NFU1: variants seen among roughly 807,000 people sequenced by gnomAD.
NFU1 encodes NFU1 iron-sulfur cluster scaffold.
In NFU1, 30 loss-of-function variants were observed where a neutral mutation model predicts 32.2. The observed-to-expected ratio is 0.93, with a 90% CI of 0.70 to 1.26. The LOEUF is 1.26. Ranked by LOEUF, NFU1 falls within the 50% of genes most tolerant of loss-of-function variation. The pLI, the probability that NFU1 is intolerant of heterozygous loss-of-function variation, is 0.00. For synonymous variants in NFU1, 112 were observed against 104.6 expected, an observed-to-expected ratio of 1.07 and a Z score of -0.43; for missense variants, 306 against 306.6, an observed-to-expected ratio of 1.00 and a Z score of 0.02.
At chr2:69,412,114 G>A (rs1047508815) in intron 5 of NFU1, among the ~76,000 whole-genome samples, 1 of 152,044 alleles carries the variant, frequency 6.6e-6, no homozygotes, top group Non-Finnish European at 1.5e-5. Context: ...GCAATGGCAT[G>A]ATGTCAGCTC....
intron 1 of NFU1, 110 bp downstream of exon 1, chr2:69,437,251 C>T: frequency 6.6e-7 from 1 of 1,507,072 alleles, no homozygotes; most frequent in Non-Finnish European, 8.8e-7. Flanking sequence ...CCCGCCGGCT[C>T]CATCAGATGC....
intron 1 of NFU1, among the ~76,000 whole-genome samples, chr2:69,435,067 C>G (rs751232633): frequency 6.6e-6 from 1 of 152,152 alleles, no homozygotes; most frequent in Non-Finnish European, 1.5e-5. Flanking sequence ...CTCTTAGGAC[C>G]GCCAGAATAA....
intron 2 of NFU1, among the ~76,000 whole-genome samples, chr2:69,424,299 T>G (rs1362203734): frequency 6.6e-6 from 1 of 150,386 alleles, no homozygotes; most frequent in African/African-American, 2.4e-5. Context: ...TTTGTTTTTG[T>G]TTTTTTTGAG....
intron 5 of NFU1, among the ~76,000 whole-genome samples, chr2:69,409,953 G>A (rs925462359): frequency 5.3e-5 from 8 of 152,082 alleles, no homozygotes; most frequent in Non-Finnish European, 8.8e-5. Context: ...ACATATAAAC[G>A]TTCGGTTTTT....
At position 69,397,241 on chromosome 2, in the gene NFU1, TG is replaced by T. The variant is rs1171420682; in HGVS notation, c.721-952del. On this transcript the variant is annotated intron_variant, in intron 7 of 7. Coordinates refer to ENST00000410022, the MANE Select transcript of NFU1 (RefSeq NM_001002755.4). ...TATTAAAATGAATCCCCAAGGAAAG[TG>T]AAAAACAAAACAAAACAAAAAAACC... 3.0e-3 allele frequency among the ~76,000 whole-genome samples: 457 copies of T among 151,996 alleles called. 3 individuals carry two copies. The highest frequency in any genetic ancestry group is 8.7e-3 in the African/African-American group (360 of 41,468).
intron 3 of NFU1, among the ~76,000 whole-genome samples, chr2:69,421,523 G>A (rs962168842): frequency 7.6e-6 from 1 of 131,232 alleles, no homozygotes; most frequent in Non-Finnish European, 1.6e-5. Context: ...TTCTCTATCA[G>A]TTAAAAAGAG....
chr2:69,432,945 T>C (rs1419798146), intron 1 of NFU1, among the ~76,000 whole-genome samples: 1 of 151,110 alleles, frequency 6.6e-6, no homozygotes, highest in Non-Finnish European at 1.5e-5. Flanking sequence ...AGGTCAGGAG[T>C]TCGAGACGAG....
At chr2:69,408,445 C>T (rs2042007857) in intron 5 of NFU1, among the ~76,000 whole-genome samples, 1 of 152,062 alleles carries the variant, frequency 6.6e-6, no homozygotes, top group African/African-American at 2.4e-5. Context: ...AAAGGCTGGG[C>T]TCAGTGGCTC....
intron 4 of NFU1, among the ~76,000 whole-genome samples, chr2:69,416,384 TA>T (rs1025011608): frequency 1.4e-5 from 2 of 148,112 alleles, no homozygotes; most frequent in African/African-American, 4.9e-5. Flanking sequence ...ATATTATTAT[TA>T]ATTCATTCAC....
chr2:69,406,193 T>C, intron 5 of NFU1, 111 bp from the exon 6 acceptor site: 1 of 687,170 alleles, frequency 1.5e-6, no homozygotes. Context: ...AACATAAAAC[T>C]ATAGAAAGAA....
chr2:69,431,814 A>G (rs1393019540), intron 2 of NFU1, 88 bp downstream of exon 2: 9 of 855,578 alleles, frequency 1.1e-5, no homozygotes, highest in Admixed American at 1.9e-5. Context: ...GAAAATATAC[A>G]AATTCTCATC....
At chr2:69,437,613 C>G (rs1018936750), upstream of NFU1, 2 of 703,846 alleles carry the variant, frequency 2.8e-6, no homozygotes, top group African/African-American at 3.5e-5. Context: ...CCAAGAGAGG[C>G]CGGGGAACCT....
intron 2 of NFU1, among the ~76,000 whole-genome samples, chr2:69,430,949 A>G (rs1558849043): frequency 6.6e-6 from 1 of 152,250 alleles, no homozygotes. Context: ...ACATATAGGT[A>G]TACATTTACA....
chr2:69,407,674 CAAAAAAAA>C (rs200321994), intron 5 of NFU1, among the ~76,000 whole-genome samples: 1 of 103,116 alleles, frequency 9.7e-6, no homozygotes, highest in South Asian at 3.2e-4. Context: ...GACTCTATCT[CAAAAAAAA>C]AAAAAAAAAG....
At chr2:69,404,615 A>ATATTTTTTTTTTTTTTTTTTTTTTTT (rs1426118283) in intron 6 of NFU1, among the ~76,000 whole-genome samples, 5 of 73,008 alleles carry the variant, frequency 6.8e-5, no homozygotes, top group African/African-American at 1.9e-4. Context: ...ATCTTAGCAA[A>ATATTTTTTTTTTTTTTTTTTTTTTTT]TTTTTTTTTT....
intron 7 of NFU1, 86 bp downstream of exon 7, chr2:69,400,278 G>C: frequency 8.2e-7 from 1 of 1,215,794 alleles, no homozygotes; most frequent in South Asian, 1.2e-5. Context: ...TCAAATACTT[G>C]CCTTAACATC....
chr2:69,396,929 G>A (rs1464336928), intron 7 of NFU1, among the ~76,000 whole-genome samples: 7 of 150,834 alleles, frequency 4.6e-5, no homozygotes, highest in East Asian at 2.0e-4. Flanking sequence ...AAAATTAGCC[G>A]GTCGTGGTGG....
At chr2:69,422,924 G>C (rs1046046005) in intron 3 of NFU1, among the ~76,000 whole-genome samples, 1 of 151,870 alleles carries the variant, frequency 6.6e-6, no homozygotes. Context: ...ATGTTGCCCA[G>C]GCTGGTCTCC....
intron 6 of NFU1, among the ~76,000 whole-genome samples, chr2:69,404,213 C>T (rs894357315): frequency 9.4e-5 from 14 of 149,048 alleles, no homozygotes; most frequent in African/African-American, 2.2e-4. Context: ...ATATGTAGGC[C>T]GGGAGCGGTG....
Sources: gnomAD v4.1 joint callset for allele counts (sites outside exome capture counted in the v4.1 genomes callset) on GRCh38, gnomAD v4.1.1 for gene constraint, MANE v1.5 for transcripts, NCBI Gene and HGNC (gene_info 2026-07-23, HGNC 2026-07-21) for gene names.